Variants in DENND2C observed in about 807,000 individuals in gnomAD.
DENND2C encodes DENN domain-containing protein 2C.
Under a neutral mutation model 112.4 loss-of-function variants are expected in DENND2C, and 72 were observed. That is an observed-to-expected ratio of 0.64 (90% CI 0.53 to 0.78). The LOEUF (loss-of-function observed/expected upper bound fraction) is 0.78, where lower values mean the gene tolerates loss of function less well. Ranked by LOEUF, DENND2C falls within the 30% of genes least tolerant of loss-of-function variation. The probability of loss-of-function intolerance (pLI) is 0.00; values close to 1 mark genes in which losing one functional copy is unlikely to be tolerated. For missense variants in DENND2C, 992 were observed against 1,113.8 expected (o/e 0.89, Z 1.56); for synonymous variants, 329 against 381.6 (o/e 0.86, Z 1.61).
At chr1:114,634,478 C>T (rs975324625) in intron 3 of DENND2C, among the ~76,000 whole-genome samples, 6 of 151,948 alleles carry the variant, frequency 3.9e-5, no homozygotes, top group Admixed American at 6.6e-5. Context: ...GGACTATAGA[C>T]GCGTGCCACC....
chr1:114,636,658 C>CAACAGCAACAAAAA (rs1289394175), intron 3 of DENND2C, among the ~76,000 whole-genome samples: 1 of 151,938 alleles, frequency 6.6e-6, no homozygotes, highest in Non-Finnish European at 1.5e-5. Context: ...CAGAGTGAAA[C>CAACAGCAACAAAAA]CCTGTCTCAA....
Position 114,669,293 on chromosome 1 carries a change from C to A in DENND2C, c.-574+690G>T, listed in dbSNP as rs566918177. ...CCCTGAGAATACCCATAGGCATGAA[C>A]TTGCCAGTTTCACAGTTACGGAAAG... On this transcript the variant is annotated intron_variant, in intron 1 of 20. Transcript: ENST00000393274. Among the ~76,000 whole-genome samples the A allele has an allele frequency of 3.3e-5, 5 of 152,262 alleles. No individual in the cohort carries two copies. The South Asian group carries it at 1.0e-3, about 32-fold the overall frequency.
At chr1:114,603,105 C>G (rs1419711224) in intron 11 of DENND2C, among the ~76,000 whole-genome samples, 2 of 151,388 alleles carry the variant, frequency 1.3e-5, no homozygotes, top group Non-Finnish European at 1.5e-5. Flanking sequence ...TAAATATACC[C>G]AAGAAAGAAA....
At chr1:114,652,965 C>T (rs749533065) in intron 2 of DENND2C, among the ~76,000 whole-genome samples, 3 of 152,010 alleles carry the variant, frequency 2.0e-5, no homozygotes, top group African/African-American at 7.3e-5. Context: ...AAAGTCCATA[C>T]GTGTTCAGTA....
intron 2 of DENND2C, among the ~76,000 whole-genome samples, chr1:114,652,567 G>A (rs574624646): frequency 1.3e-5 from 2 of 151,790 alleles, no homozygotes; most frequent in South Asian, 2.1e-4. Context: ...GACCTCCTTC[G>A]GATACCAAAA....
chr1:114,616,072 CAAAAG>C (rs1377439743), intron 8 of DENND2C, among the ~76,000 whole-genome samples: 1 of 146,956 alleles, frequency 6.8e-6, no homozygotes, highest in African/African-American at 2.5e-5. Flanking sequence ...AAGACTGTCT[CAAAAG>C]AAAAGAAAAG....
chr1:114,618,355 C>T lies in DENND2C; in HGVS notation c.1324+31G>A, dbSNP rs779430456. ...TTCTCCTCTCATATCCTGACAGCTA[C>T]AGGATAGCTGGAACGAAAAACAATT... On this transcript the variant is annotated intron_variant, in intron 8 of 20. Coordinates refer to ENST00000393274, the MANE Select transcript of DENND2C (RefSeq NM_001256404.2). The T allele has an allele frequency of 4.9e-6, 7 of 1,422,178 alleles. No homozygotes were observed. The East Asian group carries it at 1.2e-4, about 24-fold the overall frequency. 88.1% of individuals were successfully genotyped at this position (1,422,178 alleles called of 1,614,324 possible).
At position 114,639,976 on chromosome 1, in the gene DENND2C, T is replaced by TAATATGTGGGACTACAC. The variant is rs1656778862; in HGVS notation, c.-205+5455_-205+5471dup. On this transcript the variant is annotated intron_variant, in intron 3 of 20. Coordinates refer to ENST00000393274, the MANE Select transcript of DENND2C (RefSeq NM_001256404.2). ...TTACTGCATAATATGTGGGACTGCATAATATGTGGGACTACACAATTTCTT... is the reference window on the plus strand; with the variant it reads ...TTACTGCATAATATGTGGGACTGCATAATATGTGGGACTACACAATATGTGGGACTACACAATTTCTT... Among the ~76,000 whole-genome samples the TAATATGTGGGACTACAC allele has an allele frequency of 2.7e-5, 4 of 149,962 alleles. 1 individual carries two copies. In the South Asian group the frequency reaches 8.4e-4, roughly 31 times the overall value.
At chr1:114,636,453 C>T (rs957580328) in intron 3 of DENND2C, among the ~76,000 whole-genome samples, 1 of 152,004 alleles carries the variant, frequency 6.6e-6, no homozygotes, top group Non-Finnish European at 1.5e-5. Context: ...ATGGCTTGAG[C>T]TCAGGAGTTC....
chr1:114,647,555 T>C (rs1657028017), intron 2 of DENND2C, among the ~76,000 whole-genome samples: 1 of 152,090 alleles, frequency 6.6e-6, no homozygotes, highest in Admixed American at 6.6e-5. Context: ...TAGGTAATGT[T>C]TGTGAAAGGA....
intron 18 of DENND2C, among the ~76,000 whole-genome samples, chr1:114,589,629 A>C (rs1339656405): frequency 6.6e-6 from 1 of 151,678 alleles, no homozygotes; most frequent in Admixed American, 6.6e-5. Flanking sequence ...AGTGCTTGAG[A>C]TCATAGGTAT....
intron 2 of DENND2C, among the ~76,000 whole-genome samples, chr1:114,652,304 T>C (rs1023500514): frequency 6.6e-6 from 1 of 152,220 alleles, no homozygotes. Context: ...CATATATCTA[T>C]ATACCTGCTA....
intron 18 of DENND2C, among the ~76,000 whole-genome samples, chr1:114,590,868 T>G (rs1004551772): frequency 6.6e-6 from 1 of 152,212 alleles, no homozygotes; most frequent in Admixed American, 6.5e-5. Context: ...ACTACACTGT[T>G]GGGTTGTAGG....
chr1:114,600,478 A>C, intron 14 of DENND2C, 126 bp from the exon 15 acceptor site: 1 of 1,252,824 alleles, frequency 8.0e-7, no homozygotes, highest in South Asian at 1.5e-5. Context: ...GGGTCTGTGA[A>C]GCTTCCTATA....
chr1:114,611,150 G>C, intron 8 of DENND2C, 33 bp from the exon 9 acceptor site: 1 of 1,612,830 alleles, frequency 6.2e-7, no homozygotes, highest in Non-Finnish European at 8.5e-7. Context: ...CATTTGTATT[G>C]TCCAACAGTA....
chr1:114,643,273 G>A (rs1656894907), intron 3 of DENND2C, among the ~76,000 whole-genome samples: 1 of 152,148 alleles, frequency 6.6e-6, no homozygotes, highest in Non-Finnish European at 1.5e-5. Context: ...CATAAATTCT[G>A]CTCAGGAAGT....
chr1:114,636,080 T>C (rs1656649609), intron 3 of DENND2C, among the ~76,000 whole-genome samples: 1 of 150,778 alleles, frequency 6.6e-6, no homozygotes, highest in African/African-American at 2.4e-5. Context: ...TAAATAAATA[T>C]ACAGAAAGGA....
chr1:114,667,981 ATGT>A (rs1447402461), intron 1 of DENND2C, among the ~76,000 whole-genome samples: 5 of 152,200 alleles, frequency 3.3e-5, no homozygotes. Flanking sequence ...ATGATAGCTG[ATGT>A]TGTTATTGTT....
At chr1:114,640,946 A>G (rs1250262078) in intron 3 of DENND2C, among the ~76,000 whole-genome samples, 2 of 152,176 alleles carry the variant, frequency 1.3e-5, no homozygotes, top group Non-Finnish European at 2.9e-5. Flanking sequence ...ACTAGTCTCA[A>G]TTTGTCTCAA....
Sources: allele counts gnomAD v4.1 joint callset (sites outside exome capture counted in the v4.1 genomes callset), GRCh38; gene constraint gnomAD v4.1.1; transcripts MANE v1.5; gene names NCBI Gene and HGNC (gene_info 2026-07-23, HGNC 2026-07-21).